The following TMEM117 variants were observed in gnomAD, a reference collection of about 807,000 sequenced individuals.
TMEM117 encodes transmembrane protein 117.
Under a neutral mutation model 52.4 loss-of-function variants are expected in TMEM117, and 27 were observed. That is an observed-to-expected ratio of 0.51 (90% CI 0.38 to 0.71). TMEM117 has a LOEUF of 0.71. Among genes scored for constraint, TMEM117 ranks in the 30% least tolerant of loss-of-function variants. The pLI is 0.00. For synonymous variants in TMEM117, 215 were observed against 206.3 expected (o/e 1.04, Z -0.36); for missense variants, 556 against 630.5 (o/e 0.88, Z 1.26).
At chr12:43,804,399 A>C in the TMEM117 span, 1 of 791,776 alleles carries the variant, frequency 1.3e-6, no homozygotes, top group Non-Finnish European at 2.1e-6. Context: ...GCTTCATATT[A>C]ATTAATAGTT....
At chr12:43,927,103 T>C (rs547614816) in intron 2 of TMEM117, among the ~76,000 whole-genome samples, 5 of 152,068 alleles carry the variant, frequency 3.3e-5, no homozygotes, top group Non-Finnish European at 5.9e-5. Flanking sequence ...AAGTTTGAAA[T>C]GTAGTCTCTT....
chr12:44,197,482 G>GCCAC lies in TMEM117; in HGVS notation c.511-13804_511-13801dup, dbSNP rs574953008. On this transcript the variant is annotated intron_variant, in intron 4 of 7. Transcript: ENST00000266534. ...TGGGCTAATATAGTTTGATAATTTA[G>GCCAC]CCACCCATAAGGAATGGCATGCTAG... Among the ~76,000 whole-genome samples, 13 of 152,176 alleles carry GCCAC rather than the reference G, an allele frequency of 8.5e-5. No individual in the cohort carries two copies. The East Asian group carries it at 2.1e-3, about 25-fold the overall frequency.
intron 3 of TMEM117, among the ~76,000 whole-genome samples, chr12:43,991,522 T>C (rs1945941264): frequency 6.6e-6 from 1 of 152,038 alleles, no homozygotes; most frequent in South Asian, 2.1e-4. Flanking sequence ...AAATATAAGA[T>C]ATTGTCCCTG....
At chr12:44,297,933 T>G (rs528832495) in intron 5 of TMEM117, among the ~76,000 whole-genome samples, 2 of 152,286 alleles carry the variant, frequency 1.3e-5, no homozygotes, top group East Asian at 1.9e-4. Flanking sequence ...TCAAAGTTAC[T>G]CTACACCACA....
At chr12:44,063,922 G>A (rs1947182100) in intron 3 of TMEM117, among the ~76,000 whole-genome samples, 1 of 152,080 alleles carries the variant, frequency 6.6e-6, no homozygotes, top group African/African-American at 2.4e-5. Context: ...TTCAGATATG[G>A]CATTAATCAG....
chr12:43,992,857 C>A (rs528956907), intron 3 of TMEM117, among the ~76,000 whole-genome samples: 1 of 152,288 alleles, frequency 6.6e-6, no homozygotes, highest in African/African-American at 2.4e-5. Flanking sequence ...GGTGTAATAA[C>A]CTTTATGTCC....
At chr12:44,086,985 T>C (rs1046068571) in intron 3 of TMEM117, among the ~76,000 whole-genome samples, 3 of 147,534 alleles carry the variant, frequency 2.0e-5, no homozygotes, top group African/African-American at 7.4e-5. Flanking sequence ...ATATAATATA[T>C]AATTAATAAT....
At chr12:44,116,291 T>G (rs1405800628) in intron 3 of TMEM117, among the ~76,000 whole-genome samples, 1 of 152,204 alleles carries the variant, frequency 6.6e-6, no homozygotes, top group Non-Finnish European at 1.5e-5. Flanking sequence ...TTAAACAGTG[T>G]GGGTTCTTTT....
intron 2 of TMEM117, among the ~76,000 whole-genome samples, chr12:43,851,056 G>A (rs79970551): frequency 0.037 from 5,705 of 152,140 alleles, 266 homozygotes; most frequent in African/African-American, 0.1. Flanking sequence ...ACCAAACACA[G>A]ATATTATATA....
At chr12:43,958,900 G>A (rs1054612827) in intron 3 of TMEM117, among the ~76,000 whole-genome samples, 3 of 151,944 alleles carry the variant, frequency 2.0e-5, no homozygotes, top group East Asian at 1.9e-4. Flanking sequence ...TCCGCCTCCC[G>A]GGTTCACGCC....
chr12:44,307,394 A>G (rs955320607), intron 6 of TMEM117, among the ~76,000 whole-genome samples: 1 of 152,206 alleles, frequency 6.6e-6, no homozygotes, highest in Non-Finnish European at 1.5e-5. Flanking sequence ...AACTTCTTCA[A>G]ACTATTTTAA....
chr12:44,219,095 T>C (rs41510144), intron 5 of TMEM117, among the ~76,000 whole-genome samples: 1,529 of 152,326 alleles, frequency 0.01, 10 homozygotes, highest in African/African-American at 0.016. Context: ...ATTTGGGTTA[T>C]GTAAAGGAAG....
At chr12:44,255,315 G>A (rs1037991665) in intron 5 of TMEM117, among the ~76,000 whole-genome samples, 15 of 151,922 alleles carry the variant, frequency 9.9e-5, no homozygotes, top group African/African-American at 3.1e-4. Flanking sequence ...TCAAAAAGTG[G>A]GCAAAGGATA....
At chr12:44,376,172 T>C (rs572603592) in intron 6 of TMEM117, among the ~76,000 whole-genome samples, 2 of 152,326 alleles carry the variant, frequency 1.3e-5, no homozygotes, top group South Asian at 4.1e-4. Context: ...TCCTCTTTAC[T>C]TTGTCTTCTT....
At chr12:44,066,126 C>T (rs1367521120) in intron 3 of TMEM117, among the ~76,000 whole-genome samples, 1 of 152,118 alleles carries the variant, frequency 6.6e-6, no homozygotes, top group African/African-American at 2.4e-5. Flanking sequence ...AACAGTTGGG[C>T]CCTTGATTAC....
the TMEM117 span, among the ~76,000 whole-genome samples, chr12:43,805,230 T>C: frequency 3.3e-5 from 5 of 152,328 alleles, no homozygotes; most frequent in East Asian, 1.9e-4. Context: ...TGTAAGTAGG[T>C]AGTGCTTGCT....
At chr12:44,293,291 AT>A (rs1392907982) in intron 5 of TMEM117, among the ~76,000 whole-genome samples, 3 of 151,982 alleles carry the variant, frequency 2.0e-5, no homozygotes, top group African/African-American at 7.2e-5. Flanking sequence ...CCATTCCTAC[AT>A]TTCAGCATAT....
At chr12:44,073,103 A>C (rs11615905) in intron 3 of TMEM117, among the ~76,000 whole-genome samples, 1 of 151,514 alleles carries the variant, frequency 6.6e-6, no homozygotes, top group African/African-American at 2.4e-5. Flanking sequence ...AAAAAAAAAA[A>C]CAACAAAAAA....
intron 4 of TMEM117, among the ~76,000 whole-genome samples, chr12:44,150,462 A>C (rs73290224): frequency 0.031 from 4,652 of 152,264 alleles, 160 homozygotes; most frequent in African/African-American, 0.083. Flanking sequence ...ACCAACATGG[A>C]CCATCGCACA....
Sources: gnomAD v4.1 joint callset for allele counts (sites outside exome capture counted in the v4.1 genomes callset) on GRCh38, gnomAD v4.1.1 for gene constraint, MANE v1.5 for transcripts, NCBI Gene and HGNC (gene_info 2026-07-23, HGNC 2026-07-21) for gene names.